The following PREX2 variants were observed in gnomAD, a reference collection of about 807,000 sequenced individuals.
PREX2 encodes the protein phosphatidylinositol-3,4,5-trisphosphate dependent Rac exchange factor 2, also known as phosphatidylinositol 3,4,5-trisphosphate-dependent Rac exchanger 2 protein.
In PREX2, 107 loss-of-function variants were observed where a neutral mutation model predicts 203.2. The observed-to-expected ratio is 0.53, with a 90% CI of 0.45 to 0.62. The LOEUF is 0.62. Among genes scored for constraint, PREX2 ranks in the 20% least tolerant of loss-of-function variants. The pLI is 0.00. For synonymous variants in PREX2, 672 were observed against 663.6 expected, an observed-to-expected ratio of 1.01 and a Z score of -0.19; for missense variants, 1,777 against 1,955.9, an observed-to-expected ratio of 0.91 and a Z score of 1.72.
chr8:67,998,728 C>G (rs1247141285), intron 1 of PREX2, among the ~76,000 whole-genome samples: 2 of 152,166 alleles, frequency 1.3e-5, no homozygotes, highest in African/African-American at 4.8e-5. Flanking sequence ...TATGACCATG[C>G]CATTGTTCTC....
intron 9 of PREX2, among the ~76,000 whole-genome samples, chr8:68,054,746 C>T (rs948160296): frequency 2.0e-5 from 3 of 152,290 alleles, no homozygotes; most frequent in African/African-American, 7.2e-5. Context: ...CTTGCCCTCT[C>T]CCCTGAGCAT....
intron 1 of PREX2, among the ~76,000 whole-genome samples, chr8:67,983,984 C>T (rs951450549): frequency 1.1e-4 from 16 of 150,770 alleles, no homozygotes; most frequent in African/African-American, 3.4e-4. Context: ...AATCTAATGC[C>T]GTGCTTGGTA....
At chr8:68,054,797 TC>T (rs944010776) in intron 9 of PREX2, among the ~76,000 whole-genome samples, 1 of 152,206 alleles carries the variant, frequency 6.6e-6, no homozygotes, top group Non-Finnish European at 1.5e-5. Flanking sequence ...CACCTGAATG[TC>T]CACACTAGGC....
intron 38 of PREX2, among the ~76,000 whole-genome samples, chr8:68,223,965 T>C (rs1813008077): frequency 6.6e-6 from 1 of 152,196 alleles, no homozygotes; most frequent in South Asian, 2.1e-4. Flanking sequence ...CAGGTATTTA[T>C]AGTCTGCTCA....
At chr8:68,102,720 T>A (rs1024241798) in intron 23 of PREX2, 15 of 409,216 alleles carry the variant, frequency 3.7e-5, no homozygotes, top group Middle Eastern at 3.7e-4. Context: ...TTATTTTGAC[T>A]CTGAAAGTTT....
chr8:67,999,954 A>G (rs1196802109), intron 1 of PREX2, among the ~76,000 whole-genome samples: 1 of 152,222 alleles, frequency 6.6e-6, no homozygotes, highest in Non-Finnish European at 1.5e-5. Flanking sequence ...CTAAGTATTG[A>G]AGGAACATGC....
rs200550325 is a variant in PREX2 at position 68,115,790 on chromosome 8, C to T, written c.3184C>T (p.Arg1062Cys). The change falls in exon 26 of 40, where the codon CGT (arginine) becomes TGT (cysteine). Residue 1062 changes from arginine to cysteine, a missense_variant. Coordinates refer to ENST00000288368, the MANE Select transcript of PREX2 (RefSeq NM_024870.4). ...AATAACATATTCTCCTAAATTAGAA[C>T]GTAAGACATCAGAGGGCATAATACC... is the stretch of plus-strand genomic sequence containing the variant. ...SSITYSPKLE[R>C]KTSEGIIPTD... 62 of 1,610,716 alleles carry T rather than the reference C, an allele frequency of 3.8e-5. No individual in the cohort carries two copies. The highest frequency in any genetic ancestry group is 3.3e-4 in the African/African-American group (25 of 74,768).
At chr8:68,208,598 C>A (rs1812686171) in intron 37 of PREX2, among the ~76,000 whole-genome samples, 1 of 151,920 alleles carries the variant, frequency 6.6e-6, no homozygotes, top group African/African-American at 2.4e-5. Flanking sequence ...AAAATGGGAC[C>A]ACGAGAAAAG....
chr8:67,964,819 C>G (rs1805724064), intron 1 of PREX2, among the ~76,000 whole-genome samples: 1 of 152,178 alleles, frequency 6.6e-6, no homozygotes, highest in South Asian at 2.1e-4. Context: ...TATCTTCAAG[C>G]CTCGGATCAT....
At chr8:68,124,325 A>T (rs1289299094) in intron 30 of PREX2, among the ~76,000 whole-genome samples, 3 of 152,042 alleles carry the variant, frequency 2.0e-5, no homozygotes, top group Non-Finnish European at 2.9e-5. Context: ...AGAATGAGCT[A>T]ATGTCCTTTG....
At chr8:68,140,730 G>A (rs939238766) in intron 33 of PREX2, among the ~76,000 whole-genome samples, 4 of 152,136 alleles carry the variant, frequency 2.6e-5, no homozygotes, top group Admixed American at 2.6e-4. Flanking sequence ...ACAGGGTTGA[G>A]GGACTTAAAT....
At chr8:68,086,007 T>C (rs1809676974) in intron 18 of PREX2, among the ~76,000 whole-genome samples, 1 of 152,224 alleles carries the variant, frequency 6.6e-6, no homozygotes, top group African/African-American at 2.4e-5. Flanking sequence ...AAAATATGTA[T>C]TCATTCCCTT....
At chr8:68,193,461 A>G (rs1233753890) in intron 37 of PREX2, among the ~76,000 whole-genome samples, 2 of 152,212 alleles carry the variant, frequency 1.3e-5, no homozygotes, top group African/African-American at 2.4e-5. Flanking sequence ...GATGGTGTTT[A>G]CTTATTTATT....
At chr8:68,016,582 G>A (rs1807414915) in intron 1 of PREX2, among the ~76,000 whole-genome samples, 1 of 152,052 alleles carries the variant, frequency 6.6e-6, no homozygotes, top group Non-Finnish European at 1.5e-5. Flanking sequence ...CCTAGAAGTA[G>A]TATCTCTGGG....
intron 5 of PREX2, 57 bp downstream of exon 5, chr8:68,027,380 T>C (rs1807758272): frequency 1.8e-6 from 2 of 1,104,124 alleles, no homozygotes; most frequent in Non-Finnish European, 2.8e-6. Flanking sequence ...ATTTTGCTGA[T>C]GATCTTTTTA....
intron 37 of PREX2, among the ~76,000 whole-genome samples, chr8:68,196,107 T>G (rs1812389133): frequency 6.6e-6 from 1 of 152,026 alleles, no homozygotes; most frequent in African/African-American, 2.4e-5. Context: ...GAGTACTCTT[T>G]TGTGTGAATG....
At position 67,993,820 on chromosome 8, in the gene PREX2, C is replaced by T. The variant is rs536361570; in HGVS notation, c.142-24026C>T. 9.2e-5 allele frequency among the ~76,000 whole-genome samples: 14 copies of T among 152,252 alleles called. No individual in the cohort carries two copies. In the South Asian group the frequency reaches 1.2e-3, roughly 14 times the overall value. The stretch of plus-strand genomic sequence containing the variant: ...TAAATGTCAAGCATTCTATCCAATA[C>T]GTTCTATCGGCAATCTAATTAGGAA... On this transcript the variant is annotated intron_variant, in intron 1 of 39. Coordinates refer to ENST00000288368, the MANE Select transcript of PREX2 (RefSeq NM_024870.4).
At chr8:68,202,989 G>T (rs1387028922) in intron 37 of PREX2, among the ~76,000 whole-genome samples, 1 of 152,018 alleles carries the variant, frequency 6.6e-6, no homozygotes, top group African/African-American at 2.4e-5. Flanking sequence ...TTCCACGTGG[G>T]TCCCCAGCCA....
At chr8:68,083,124 G>A in intron 17 of PREX2, 116 bp from the exon 18 acceptor site, 2 of 639,070 alleles carry the variant, frequency 3.1e-6, no homozygotes, top group East Asian at 2.8e-5. Context: ...CACGGCAGGT[G>A]TGTTAAAATG....
Sources: gnomAD v4.1 joint callset for allele counts (sites outside exome capture counted in the v4.1 genomes callset) on GRCh38, gnomAD v4.1.1 for gene constraint, MANE v1.5 for transcripts, NCBI Gene and HGNC (gene_info 2026-07-23, HGNC 2026-07-21) for gene names.